Variants in POLN observed in about 807,000 individuals in gnomAD.
The protein encoded by POLN is DNA polymerase N.
Under a neutral mutation model 113.5 loss-of-function variants are expected in POLN, and 108 were observed. The observed-to-expected ratio is 0.95, with a 90% confidence interval of 0.81 to 1.12. POLN has a LOEUF of 1.12. POLN is among the 50% of genes most tolerant of loss of function. The pLI, the probability that POLN is intolerant of heterozygous loss-of-function variation, is 0.00. For synonymous variants in POLN, 386 were observed against 391.5 expected, an observed-to-expected ratio of 0.99 and a Z score of 0.17; for missense variants, 1,097 against 1,077.1, an observed-to-expected ratio of 1.02 and a Z score of -0.26.
At chr4:2,096,654 G>A (rs1201010466) in intron 19 of POLN, among the ~76,000 whole-genome samples, 1 of 150,910 alleles carries the variant, frequency 6.6e-6, no homozygotes, top group East Asian at 1.9e-4. Context: ...CTCCCTGATG[G>A]AGTGGGCATC....
intron 5 of POLN, among the ~76,000 whole-genome samples, chr4:2,199,332 C>A (rs1477210066): frequency 6.6e-6 from 1 of 151,984 alleles, no homozygotes; most frequent in African/African-American, 2.4e-5. Context: ...AAAAACTCAA[C>A]ATAATAATGT....
intron 4 of POLN, among the ~76,000 whole-genome samples, chr4:2,212,582 C>A (rs181821494): frequency 2.1e-4 from 32 of 151,638 alleles, no homozygotes; most frequent in Non-Finnish European, 4.3e-4. Context: ...GACAGGGTCT[C>A]CTTATGTTGC....
chr4:2,125,402 G>C (rs1316526827), intron 19 of POLN, among the ~76,000 whole-genome samples: 1 of 152,218 alleles, frequency 6.6e-6, no homozygotes, highest in East Asian at 1.9e-4. Flanking sequence ...TTAAGTAAGA[G>C]CGGGGGTTCT....
At position 2,179,398 on chromosome 4, in the gene POLN, G is replaced by A; in HGVS notation, c.1089C>T (p.Pro363=). ...ATTTTTCTACTAAATCTTCAAAAGA[G>A]GGTGTGGCATCACTAGGATCTATAA... ...AWLIDPSDAT[P]SFEDLVEKYC... The change falls in exon 8 of 26, where the codon CCC becomes CCT. Residue 363 remains proline, a synonymous_variant. Transcript: ENST00000511885. 6.2e-7 allele frequency: 1 copy of A among 1,613,392 alleles called. No homozygotes were observed. Among genetic ancestry groups the A allele is most frequent in the Non-Finnish European group, 8.5e-7 (1 of 1,179,340 alleles).
chr4:2,172,399 T>C (rs202069357), intron 11 of POLN, among the ~76,000 whole-genome samples: 3 of 14,454 alleles, frequency 2.1e-4, no homozygotes, highest in African/African-American at 2.7e-4. Context: ...CCTCCAACAA[T>C]GATAATTCTT....
At chr4:2,240,069 G>A (rs1734915268) in intron 2 of POLN, 2 of 1,613,606 alleles carry the variant, frequency 1.2e-6, no homozygotes, top group African/African-American at 2.7e-5. Flanking sequence ...ACTCTCCTCT[G>A]CCCATTTTAT....
In POLN at chr4:2,196,317, C is replaced by T. The variant is rs1046355975; in HGVS notation, c.908+2207G>A. Among the ~76,000 whole-genome samples, 4 of 152,090 alleles carry T rather than the reference C, an allele frequency of 2.6e-5. No homozygotes were observed. In the East Asian group the frequency reaches 5.8e-4, roughly 22 times the overall value. ...TTACAGCTCCACCTAGGAAGTGCTG[C>T]GCAAAACAAGCTGGACCCAAATAAT... On this transcript the variant is annotated intron_variant, in intron 6 of 25. Transcript: ENST00000511885.
chr4:2,151,194 G>A (rs1013088353), intron 16 of POLN, among the ~76,000 whole-genome samples: 11 of 152,140 alleles, frequency 7.2e-5, no homozygotes, highest in African/African-American at 2.7e-4. Context: ...AAAAATGACT[G>A]GCAAATTAAC....
intron 7 of POLN, among the ~76,000 whole-genome samples, chr4:2,180,217 T>C (rs543800987): frequency 1.3e-5 from 2 of 152,338 alleles, no homozygotes; most frequent in African/African-American, 2.4e-5. Context: ...GAGAAAATGC[T>C]TTTTAAAAAG....
intron 13 of POLN, among the ~76,000 whole-genome samples, chr4:2,164,334 T>A (rs1486603401): frequency 6.6e-6 from 1 of 151,406 alleles, no homozygotes; most frequent in Non-Finnish European, 1.5e-5. Context: ...AAACTCTGTC[T>A]CTACTAAAAA....
chr4:2,110,597 G>C (rs1325033113), intron 19 of POLN, among the ~76,000 whole-genome samples: 1 of 152,126 alleles, frequency 6.6e-6, no homozygotes, highest in Non-Finnish European at 1.5e-5. Context: ...TACCATCAGA[G>C]AATACTATAA....
chr4:2,174,322 A>C (rs1732942113), intron 10 of POLN, among the ~76,000 whole-genome samples: 1 of 152,248 alleles, frequency 6.6e-6, no homozygotes, highest in East Asian at 1.9e-4. Flanking sequence ...CCTGCGGTCA[A>C]AGGCAAAGGC....
At chr4:2,229,349 A>T (rs1253303733) in intron 2 of POLN, 106 bp from the exon 3 acceptor site, 2 of 950,130 alleles carry the variant, frequency 2.1e-6, no homozygotes, top group African/African-American at 1.7e-5. Context: ...TTCATTTAAA[A>T]TGTCTATATT....
chr4:2,129,475 C>T (rs1468702541), intron 17 of POLN, among the ~76,000 whole-genome samples: 2 of 151,986 alleles, frequency 1.3e-5, no homozygotes, highest in Non-Finnish European at 2.9e-5. Context: ...TGCAGCCTCG[C>T]ACTCCAGGGC....
intron 6 of POLN, among the ~76,000 whole-genome samples, chr4:2,195,997 T>C (rs1170736010): frequency 6.6e-6 from 1 of 152,184 alleles, no homozygotes; most frequent in Non-Finnish European, 1.5e-5. Context: ...TGACACCACC[T>C]GAACCCACTG....
intron 19 of POLN, among the ~76,000 whole-genome samples, chr4:2,125,461 G>A (rs1731555543): frequency 6.6e-6 from 1 of 152,220 alleles, no homozygotes; most frequent in Non-Finnish European, 1.5e-5. Context: ...GATCAAAAAA[G>A]TCTGGAGCAA....
chr4:2,186,237 G>A (rs370725517), intron 7 of POLN, among the ~76,000 whole-genome samples: 51 of 152,276 alleles, frequency 3.3e-4, no homozygotes, highest in African/African-American at 1.0e-3. Context: ...CAGGAGACCC[G>A]TCCCTGCCAC....
chr4:2,225,717 C>T (rs1346884200), intron 3 of POLN, among the ~76,000 whole-genome samples: 3 of 151,644 alleles, frequency 2.0e-5, no homozygotes, highest in African/African-American at 7.3e-5. Context: ...AAATAGTAGG[C>T]CAGGCAGGCA....
At chr4:2,196,940 C>T (rs560926479) in intron 6 of POLN, among the ~76,000 whole-genome samples, 7 of 152,136 alleles carry the variant, frequency 4.6e-5, no homozygotes, top group Non-Finnish European at 7.3e-5. Context: ...TAGAGGCGCA[C>T]ACCACATGGT....
Sources: allele counts gnomAD v4.1 joint callset (sites outside exome capture counted in the v4.1 genomes callset), GRCh38; gene constraint gnomAD v4.1.1; transcripts MANE v1.5; gene names NCBI Gene and HGNC (gene_info 2026-07-23, HGNC 2026-07-21).